RTL9: variants seen among roughly 807,000 people sequenced by gnomAD.
The protein encoded by RTL9 is retrotransposon Gag-like protein 9.
RTL9 carries 19 observed loss-of-function variants against 44.7 expected under a neutral mutation model. The observed-to-expected ratio is 0.42, with a 90% CI of 0.30 to 0.62. The LOEUF (loss-of-function observed/expected upper bound fraction) is 0.62. Among genes scored for constraint, RTL9 ranks in the 20% least tolerant of loss-of-function variants. The probability of loss-of-function intolerance (pLI) is 0.16; values close to 1 mark genes in which losing one functional copy is unlikely to be tolerated. For missense variants in RTL9, 1,105 were observed against 1,080.6 expected, an observed-to-expected ratio of 1.02 and a Z score of -0.32; for synonymous variants, 407 against 398.9, an observed-to-expected ratio of 1.02 and a Z score of -0.24.
chrX:110,417,917 C>A (rs1263885710), upstream of RTL9, among the ~76,000 whole-genome samples: 7 of 112,518 alleles, frequency 6.2e-5, no homozygotes, highest in Non-Finnish European at 1.1e-4. Context: ...TCCAGTCCAC[C>A]AGCCTGTACC....
At chrX:110,363,808 C>A (rs2068279732) in intron 1 of RTL9, among the ~76,000 whole-genome samples, 1 of 111,208 alleles carries the variant, frequency 9.0e-6, no homozygotes, top group Non-Finnish European at 1.9e-5. Flanking sequence ...ATAACAAGTG[C>A]CTACAGAGTC....
intron 1 of RTL9, among the ~76,000 whole-genome samples, chrX:110,394,163 T>C (rs965248900): frequency 1.8e-5 from 2 of 113,130 alleles, no homozygotes; most frequent in African/African-American, 3.2e-5. Context: ...CTTTCCTAAA[T>C]GTATGTGTAG....
intron 1 of RTL9, among the ~76,000 whole-genome samples, chrX:110,385,381 AT>A (rs1211156108): frequency 9.0e-6 from 1 of 111,490 alleles, no homozygotes; most frequent in Non-Finnish European, 1.9e-5. Context: ...AAATTCACCT[AT>A]TTAAAGTGTA....
intron 1 of RTL9, among the ~76,000 whole-genome samples, chrX:110,427,920 A>G (rs963739605): frequency 9.0e-6 from 1 of 110,939 alleles, no homozygotes; most frequent in African/African-American, 3.3e-5. Context: ...AGCTAACACC[A>G]TCTCATCTAC....
intron 1 of RTL9, among the ~76,000 whole-genome samples, chrX:110,410,230 G>C (rs757564685): frequency 2.0e-4 from 22 of 111,489 alleles, no homozygotes; most frequent in Non-Finnish European, 2.3e-4. Flanking sequence ...GGGACGATCT[G>C]ACATTATTAG....
At chrX:110,386,880 G>A (rs368635563) in intron 1 of RTL9, among the ~76,000 whole-genome samples, 57 of 112,287 alleles carry the variant, frequency 5.1e-4, no homozygotes, top group Middle Eastern at 4.6e-3. Flanking sequence ...CAGAAGAGAA[G>A]ATGCAAACAT....
At chrX:110,405,579 T>C (rs1220794511) in intron 1 of RTL9, among the ~76,000 whole-genome samples, 1 of 112,007 alleles carries the variant, frequency 8.9e-6, no homozygotes, top group East Asian at 2.8e-4. Flanking sequence ...ATGCTAGCAA[T>C]AGTCATTCTC....
intron 1 of RTL9, among the ~76,000 whole-genome samples, chrX:110,431,727 C>T (rs2068798139): frequency 1.8e-5 from 2 of 111,816 alleles, no homozygotes; most frequent in Admixed American, 1.9e-4. Context: ...ACAGCAGGCC[C>T]TTCTTTCTCA....
upstream of RTL9, among the ~76,000 whole-genome samples, chrX:110,416,463 G>A (rs749315435): frequency 1.5e-4 from 17 of 111,570 alleles, no homozygotes; most frequent in African/African-American, 4.6e-4. Context: ...ATGACAGGTG[G>A]GAAAATGGAG....
intron 1 of RTL9, among the ~76,000 whole-genome samples, chrX:110,361,012 A>G (rs369393497): frequency 2.0e-4 from 22 of 111,096 alleles, no homozygotes; most frequent in African/African-American, 6.9e-4. Context: ...ACAAATTTGT[A>G]TCTCCATACT....
intron 1 of RTL9, among the ~76,000 whole-genome samples, chrX:110,394,076 C>T (rs1284351269): frequency 8.9e-6 from 1 of 112,209 alleles, no homozygotes; most frequent in Non-Finnish European, 1.9e-5. Context: ...TGACCTGACC[C>T]GCCATTGCTA....
At chrX:110,380,407 A>G (rs1345678023) in intron 1 of RTL9, among the ~76,000 whole-genome samples, 1 of 111,826 alleles carries the variant, frequency 8.9e-6, no homozygotes, top group African/African-American at 3.3e-5. Flanking sequence ...AAAGATCTCT[A>G]CAGGGAGAAT....
rs190432553 is a variant in RTL9, at chrX:110,360,980, A to T, written c.-168+2064A>T. Among the ~76,000 whole-genome samples the T allele has an allele frequency of 3.3e-3, 364 of 111,410 alleles. 2 individuals are homozygous for T. Among genetic ancestry groups the T allele is most frequent in the Non-Finnish European group, 3.7e-3 (198 of 53,014 alleles). On this transcript the variant is annotated intron_variant, in intron 1 of 2. Coordinates refer to the RTL9 transcript ENST00000520821. ...TGCTCCGATCTTCGTGGCTTAATATACTATCTATTTGCTGATGAGTCACAA... is the reference window on the plus strand; with the variant it reads ...TGCTCCGATCTTCGTGGCTTAATATTCTATCTATTTGCTGATGAGTCACAA...
intron 1 of RTL9, among the ~76,000 whole-genome samples, chrX:110,362,374 G>A (rs2068269732): frequency 8.9e-6 from 1 of 111,876 alleles, no homozygotes; most frequent in Admixed American, 9.5e-5. Flanking sequence ...TAACCCTCCT[G>A]ACTCAGACTC....
exon 1 of RTL9, chrX:110,454,220 C>G: frequency 8.3e-7 from 1 of 1,211,806 alleles, no homozygotes; most frequent in Non-Finnish European, 1.1e-6. Flanking sequence ...AGAGGTGGTT[C>G]ATCTTGCAAA....
upstream of RTL9, among the ~76,000 whole-genome samples, chrX:110,416,999 C>A (rs2068682281): frequency 8.9e-6 from 1 of 112,525 alleles, no homozygotes; most frequent in South Asian, 3.7e-4. Flanking sequence ...TCCTCCACAG[C>A]TAGGCGCTGG....
chrX:110,363,279 T>G (rs1216529907), intron 1 of RTL9, among the ~76,000 whole-genome samples: 1 of 111,173 alleles, frequency 9.0e-6, no homozygotes, highest in African/African-American at 3.3e-5. Context: ...TTTTGAAAAA[T>G]GGACAGAGGG....
intron 1 of RTL9, among the ~76,000 whole-genome samples, chrX:110,389,091 TAGAG>T (rs2148284222): frequency 8.9e-6 from 1 of 112,472 alleles, no homozygotes; most frequent in African/African-American, 3.2e-5. Context: ...AAAGGATCCA[TAGAG>T]AAAGATGTTG....
intron 1 of RTL9, among the ~76,000 whole-genome samples, chrX:110,378,928 C>G (rs987601176): frequency 9.0e-6 from 1 of 110,931 alleles, no homozygotes; most frequent in Non-Finnish European, 1.9e-5. Flanking sequence ...CCGTCCACCC[C>G]CCACCCCTGC....
Sources: gnomAD v4.1 joint callset for allele counts (sites outside exome capture counted in the v4.1 genomes callset) on GRCh38, gnomAD v4.1.1 for gene constraint, MANE v1.5 for transcripts, NCBI Gene and HGNC (gene_info 2026-07-23, HGNC 2026-07-21) for gene names.